The following LDLRAD3 variants were observed in gnomAD, a reference collection of about 807,000 sequenced individuals.
LDLRAD3 encodes low-density lipoprotein receptor class A domain-containing protein 3.
LDLRAD3 carries 20 observed loss-of-function variants against 29.4 expected under a neutral mutation model. That is an observed-to-expected ratio of 0.68 (90% CI 0.48 to 0.99). LDLRAD3 has a LOEUF of 0.99. LDLRAD3 is among the 50% of genes least tolerant of loss of function. The probability of loss-of-function intolerance (pLI) is 0.00; values close to 1 mark genes in which losing one functional copy is unlikely to be tolerated. For synonymous variants in LDLRAD3, 157 were observed against 192.7 expected (o/e 0.81, Z 1.53); for missense variants, 420 against 454.3 (o/e 0.92, Z 0.69).
At chr11:36,197,135 A>G (rs1855045776) in intron 4 of LDLRAD3, 2 of 152,160 alleles carry the variant, frequency 1.3e-5, no homozygotes, top group African/African-American at 4.8e-5. Flanking sequence ...TGTATGGGGC[A>G]TTTTTCTTCA....
intron 4 of LDLRAD3, among the ~76,000 whole-genome samples, chr11:36,218,149 C>T (rs1020329054): frequency 6.6e-6 from 1 of 152,082 alleles, no homozygotes; most frequent in Non-Finnish European, 1.5e-5. Flanking sequence ...TATGTTTACT[C>T]TTGTTTTTGA....
At chr11:36,169,155 GC>G (rs1201225128) in intron 4 of LDLRAD3, among the ~76,000 whole-genome samples, 2 of 152,086 alleles carry the variant, frequency 1.3e-5, no homozygotes, top group African/African-American at 4.8e-5. Context: ...TGATCTGTGA[GC>G]TTTTTTATTG....
At chr11:36,212,466 C>T (rs1855295103) in intron 4 of LDLRAD3, among the ~76,000 whole-genome samples, 5 of 151,968 alleles carry the variant, frequency 3.3e-5, no homozygotes, top group African/African-American at 1.2e-4. Context: ...CAATTACCCT[C>T]TCACTGAGTT....
chr11:36,031,409 G>T (rs1251664345), intron 1 of LDLRAD3, among the ~76,000 whole-genome samples: 1 of 152,152 alleles, frequency 6.6e-6, no homozygotes, highest in African/African-American at 2.4e-5. Flanking sequence ...AACTATGTAT[G>T]TACAGATTCC....
At chr11:36,218,701 A>G (rs1041937473) in intron 4 of LDLRAD3, among the ~76,000 whole-genome samples, 2 of 152,234 alleles carry the variant, frequency 1.3e-5, no homozygotes, top group African/African-American at 4.8e-5. Flanking sequence ...TCCAGCATCT[A>G]GGAATTCATC....
chr11:36,228,492 T>C (rs1434752508), intron 5 of LDLRAD3, among the ~76,000 whole-genome samples: 3 of 152,204 alleles, frequency 2.0e-5, no homozygotes, highest in Non-Finnish European at 4.4e-5. Flanking sequence ...AGACATTGAA[T>C]GTCCCTGTGC....
Position 36,007,373 on chromosome 11 carries a change from C to T in LDLRAD3, c.47-28730C>T, listed in dbSNP as rs1490778408. ...CTGCTTTGCAATTATATCTACTGGC[C>T]GGTATTGTAGGATTGAGTAACTGGA... On this transcript the variant is annotated intron_variant, in intron 1 of 5. Transcript: ENST00000315571. Among the ~76,000 whole-genome samples the T allele has an allele frequency of 3.9e-5, 6 of 152,194 alleles. No homozygotes were observed. In the East Asian group the frequency reaches 7.7e-4, roughly 20 times the overall value.
rs559601144 is a variant in LDLRAD3, at chr11:36,103,944, G to A, written c.454+5483G>A. On this transcript the variant is annotated intron_variant, in intron 4 of 5. Transcript: ENST00000315571. ...TTGGTTTATCCATTCATCCATTGATGGACACTTAGGTTGCTTCCACCTTTT... is the reference window on the plus strand; with the variant it reads ...TTGGTTTATCCATTCATCCATTGATAGACACTTAGGTTGCTTCCACCTTTT... 2.0e-4 allele frequency among the ~76,000 whole-genome samples: 30 copies of A among 152,286 alleles called. No individual in the cohort carries two copies. The South Asian group carries it at 2.3e-3, about 12-fold the overall frequency.
chr11:35,992,811 C>A (rs1196590672), intron 1 of LDLRAD3, among the ~76,000 whole-genome samples: 2 of 152,050 alleles, frequency 1.3e-5, no homozygotes, highest in African/African-American at 4.8e-5. Flanking sequence ...ATACCAAAAG[C>A]CATAGCATTG....
chr11:36,025,534 G>A (rs1455342741), intron 1 of LDLRAD3, among the ~76,000 whole-genome samples: 2 of 151,522 alleles, frequency 1.3e-5, no homozygotes, highest in Non-Finnish European at 2.9e-5. Flanking sequence ...GACTATAGGC[G>A]CCCGCCACCA....
At chr11:36,097,855 A>T (rs2133273364) in intron 3 of LDLRAD3, among the ~76,000 whole-genome samples, 1 of 152,348 alleles carries the variant, frequency 6.6e-6, no homozygotes, top group South Asian at 2.1e-4. Flanking sequence ...AAAAATTAAA[A>T]AGAATTCCAA....
intron 2 of LDLRAD3, among the ~76,000 whole-genome samples, chr11:36,072,297 A>C (rs1852919065): frequency 1.3e-5 from 2 of 152,202 alleles, no homozygotes; most frequent in South Asian, 4.1e-4. Flanking sequence ...GGTGGAACAG[A>C]GAGGCTTCCA....
At chr11:36,114,636 C>G (rs1381869655) in intron 4 of LDLRAD3, among the ~76,000 whole-genome samples, 5 of 152,172 alleles carry the variant, frequency 3.3e-5, no homozygotes, top group Non-Finnish European at 1.5e-5. Flanking sequence ...TCCTCATTAG[C>G]TAATTTGTCA....
intron 3 of LDLRAD3, among the ~76,000 whole-genome samples, chr11:36,084,443 A>AC (rs1853166565): frequency 1.3e-5 from 2 of 152,092 alleles, no homozygotes; most frequent in African/African-American, 4.8e-5. Flanking sequence ...ACATAGCAAG[A>AC]CCCCATCCCT....
intron 1 of LDLRAD3, among the ~76,000 whole-genome samples, chr11:35,971,439 G>A (rs1851411210): frequency 6.6e-6 from 1 of 151,954 alleles, no homozygotes; most frequent in Admixed American, 6.5e-5. Context: ...TAGGCTGTTA[G>A]GATAGGCTGT....
intron 1 of LDLRAD3, among the ~76,000 whole-genome samples, chr11:35,957,077 A>T (rs970223082): frequency 6.6e-6 from 1 of 152,254 alleles, no homozygotes; most frequent in Admixed American, 6.5e-5. Flanking sequence ...ATTGCTCACT[A>T]AATGTTATTG....
intron 4 of LDLRAD3, among the ~76,000 whole-genome samples, chr11:36,168,362 A>G (rs1051647618): frequency 6.6e-5 from 10 of 152,184 alleles, no homozygotes; most frequent in Non-Finnish European, 2.9e-5. Flanking sequence ...CAGGAGGAGA[A>G]TCAATACGGG....
chr11:36,210,583 G>C (rs1316925277), intron 4 of LDLRAD3, among the ~76,000 whole-genome samples: 1 of 152,100 alleles, frequency 6.6e-6, no homozygotes, highest in Non-Finnish European at 1.5e-5. Flanking sequence ...CCACTGCCCA[G>C]GAGGCCCACT....
At position 36,088,671 on chromosome 11, in the gene LDLRAD3, CTT is replaced by C. The variant is rs1462342192; in HGVS notation, c.319+6896_319+6897del. ...CAGTTGTAGCCTCAGAAAGCTGTGT[CTT>C]TTATTGGGTGGACTAGCCGAGCTAA... On this transcript the variant is annotated intron_variant, in intron 3 of 5. Coordinates refer to ENST00000315571, the MANE Select transcript of LDLRAD3 (RefSeq NM_174902.4). Among the ~76,000 whole-genome samples the C allele has an allele frequency of 3.9e-5, 6 of 152,170 alleles. No homozygotes were observed. In the South Asian group the frequency reaches 1.0e-3, roughly 26 times the overall value.
Sources: gnomAD v4.1 joint callset for allele counts (sites outside exome capture counted in the v4.1 genomes callset) on GRCh38, gnomAD v4.1.1 for gene constraint, MANE v1.5 for transcripts, NCBI Gene and HGNC (gene_info 2026-07-23, HGNC 2026-07-21) for gene names.